CDH12: variants seen among roughly 807,000 people sequenced by gnomAD.
CDH12 encodes the protein cadherin 12.
Under a neutral mutation model 74.1 loss-of-function variants are expected in CDH12, and 41 were observed. The observed-to-expected ratio is 0.55, with a 90% confidence interval of 0.43 to 0.72. The LOEUF (loss-of-function observed/expected upper bound fraction) is 0.72, where lower values mean the gene tolerates loss of function less well. Among genes scored for constraint, CDH12 ranks in the 30% least tolerant of loss-of-function variants. The pLI is 0.00. For missense variants in CDH12, 945 were observed against 977.2 expected (o/e 0.97, Z 0.44); for synonymous variants, 399 against 355.0 (o/e 1.12, Z -1.39).
chr5:22,342,495 C>T (rs1338775553), intron 3 of CDH12, among the ~76,000 whole-genome samples: 3 of 151,872 alleles, frequency 2.0e-5, no homozygotes, highest in Non-Finnish European at 2.9e-5. Context: ...ATGTCTATGT[C>T]CCCTGGTATT....
intron 1 of CDH12, among the ~76,000 whole-genome samples, chr5:22,529,036 CAT>C (rs771278898): frequency 1.7e-4 from 25 of 151,096 alleles, no homozygotes; most frequent in Admixed American, 1.1e-3. Context: ...TGCATATATG[CAT>C]ATATATGCAT....
At chr5:22,289,930 A>C (rs1737310021) in intron 3 of CDH12, among the ~76,000 whole-genome samples, 3 of 152,142 alleles carry the variant, frequency 2.0e-5, no homozygotes, top group African/African-American at 4.8e-5. Context: ...ATTCAATCAT[A>C]AGCCCACATC....
chr5:22,288,245 C>G (rs988223122), intron 3 of CDH12, among the ~76,000 whole-genome samples: 3 of 152,074 alleles, frequency 2.0e-5, no homozygotes, highest in Non-Finnish European at 4.4e-5. Context: ...AGATAGAGAA[C>G]ATGAGCAAAA....
In CDH12 at chr5:22,570,651, T is replaced by A. The variant is rs571849302; in HGVS notation, c.-522-65287A>T. On this transcript the variant is annotated intron_variant, in intron 1 of 14. Transcript: ENST00000382254. The stretch of plus-strand genomic sequence containing the variant: ...TTTATAGAGCTTACACAGAGTAGAT[T>A]TAGCATAATTCTTAAGGGTGAATTT... Among the ~76,000 whole-genome samples, 16 of 152,304 alleles carry A rather than the reference T, an allele frequency of 1.1e-4. No homozygotes were observed. The East Asian group carries it at 2.7e-3, about 26-fold the overall frequency.
intron 1 of CDH12, among the ~76,000 whole-genome samples, chr5:22,534,714 C>T (rs188871737): frequency 3.4e-4 from 52 of 151,914 alleles, no homozygotes; most frequent in African/African-American, 1.2e-3. Context: ...GGTTCCAGGA[C>T]TCAATGGAAC....
intron 1 of CDH12, among the ~76,000 whole-genome samples, chr5:22,820,664 T>A (rs938709149): frequency 1.3e-5 from 2 of 151,800 alleles, no homozygotes; most frequent in African/African-American, 4.8e-5. Flanking sequence ...GACACATACA[T>A]CCTCCCAAGA....
intron 1 of CDH12, among the ~76,000 whole-genome samples, chr5:22,755,256 T>A (rs1257656809): frequency 6.6e-6 from 1 of 152,214 alleles, no homozygotes; most frequent in African/African-American, 2.4e-5. Flanking sequence ...AGATACTTAT[T>A]CATCTCATTG....
In CDH12 at chr5:22,087,398, G is replaced by A. The variant is rs191571049; in HGVS notation, c.-186-8536C>T. Among the ~76,000 whole-genome samples the A allele has an allele frequency of 2.2e-4, 34 of 152,214 alleles. No individual in the cohort carries two copies. In the East Asian group the frequency reaches 6.2e-3, roughly 28 times the overall value. On this transcript the variant is annotated intron_variant, in intron 4 of 14. Coordinates refer to ENST00000382254, the MANE Select transcript of CDH12 (RefSeq NM_004061.5). ...CTCACACCTCTAATCCCAACACTCT[G>A]TGGGGCCGAGGCAAGCAGATCACTT...
chr5:22,805,462 G>A (rs1748733718), intron 1 of CDH12, among the ~76,000 whole-genome samples: 1 of 151,940 alleles, frequency 6.6e-6, no homozygotes, highest in African/African-American at 2.4e-5. Context: ...TAATTCAATT[G>A]AGAAATAGTA....
At chr5:22,402,971 TG>T (rs1456470784) in intron 3 of CDH12, among the ~76,000 whole-genome samples, 3 of 152,252 alleles carry the variant, frequency 2.0e-5, no homozygotes, top group Non-Finnish European at 2.9e-5. Context: ...AGAAGGAAGA[TG>T]AACAATCTTC....
chr5:22,684,922 G>A (rs899336004), intron 1 of CDH12, among the ~76,000 whole-genome samples: 6 of 152,100 alleles, frequency 3.9e-5, no homozygotes, highest in African/African-American at 1.4e-4. Flanking sequence ...TGACACATGA[G>A]TTTTGTTGTT....
chr5:22,029,195 G>C lies in CDH12; in HGVS notation c.231+49251C>G, dbSNP rs551645852. ...CCTAGGCATTACCATTCAGGACATAGGCATGGGCAAGGACTTCATGTCTAA... is the reference window on the plus strand; with the variant it reads ...CCTAGGCATTACCATTCAGGACATACGCATGGGCAAGGACTTCATGTCTAA... On this transcript the variant is annotated intron_variant, in intron 5 of 14. Transcript: ENST00000382254. Among the ~76,000 whole-genome samples, 565 of 152,182 alleles carry C rather than the reference G, an allele frequency of 3.7e-3. 8 individuals carry two copies. Among genetic ancestry groups the C allele is most frequent in the African/African-American group, 0.013 (531 of 41,506 alleles).
chr5:22,217,778 TA>T (rs1751866485), intron 3 of CDH12, among the ~76,000 whole-genome samples: 1 of 151,680 alleles, frequency 6.6e-6, no homozygotes, highest in Non-Finnish European at 1.5e-5. Context: ...AAAATAATAT[TA>T]ATGAATAATA....
At position 22,208,270 on chromosome 5, in the gene CDH12, A is replaced by G. The variant is rs557802173; in HGVS notation, c.-187+4228T>C. Among the ~76,000 whole-genome samples, 4 of 152,270 alleles carry G rather than the reference A, an allele frequency of 2.6e-5. No homozygotes were observed. In the South Asian group the frequency reaches 6.2e-4, roughly 24 times the overall value. ...TGAATGGATTAACAGGACTAAAACT[A>G]CAGAGAAAAATGTGAATGTGAAAAA... On this transcript the variant is annotated intron_variant, in intron 4 of 14. Transcript: ENST00000382254.
Position 22,110,436 on chromosome 5 carries a change from T to C in CDH12, c.-186-31574A>G, listed in dbSNP as rs929598896. On this transcript the variant is annotated intron_variant, in intron 4 of 14. Transcript: ENST00000382254. ...TACTCAAATCAATCTCCCCAAAGGCTTGGATGTTAGAAGTTTTTCAAAGGT... is the reference window on the plus strand; with the variant it reads ...TACTCAAATCAATCTCCCCAAAGGCCTGGATGTTAGAAGTTTTTCAAAGGT... Among the ~76,000 whole-genome samples, 5 of 151,688 alleles carry C rather than the reference T, an allele frequency of 3.3e-5. No homozygotes were observed. The South Asian group carries it at 6.3e-4, about 19-fold the overall frequency.
chr5:22,294,596 T>G (rs1382973381), intron 3 of CDH12, among the ~76,000 whole-genome samples: 1 of 152,154 alleles, frequency 6.6e-6, no homozygotes, highest in Non-Finnish European at 1.5e-5. Flanking sequence ...GGGGTTAATC[T>G]GAAGTCAACA....
chr5:21,915,057 G>A (rs112196033), intron 6 of CDH12, among the ~76,000 whole-genome samples: 2,692 of 152,272 alleles, frequency 0.018, 32 homozygotes, highest in Non-Finnish European at 0.026. Flanking sequence ...ACCTAGAAAC[G>A]AAGGTTAATT....
chr5:21,823,090 A>T (rs1301770897), intron 8 of CDH12, among the ~76,000 whole-genome samples: 1 of 152,144 alleles, frequency 6.6e-6, no homozygotes, highest in Non-Finnish European at 1.5e-5. Flanking sequence ...AAGGAAAAAC[A>T]CATAAACAAA....
intron 8 of CDH12, among the ~76,000 whole-genome samples, chr5:21,839,308 A>G (rs1749710922): frequency 6.6e-6 from 1 of 152,186 alleles, no homozygotes; most frequent in Non-Finnish European, 1.5e-5. Flanking sequence ...GTTATTAATC[A>G]TAGCATATTA....
Sources: allele counts gnomAD v4.1 joint callset (sites outside exome capture counted in the v4.1 genomes callset), GRCh38; gene constraint gnomAD v4.1.1; transcripts MANE v1.5; gene names NCBI Gene and HGNC (gene_info 2026-07-23, HGNC 2026-07-21).